NLRP5: variants seen among roughly 807,000 people sequenced by gnomAD.
NLRP5 encodes NACHT, LRR and PYD domains-containing protein 5.
NLRP5 carries 93 observed loss-of-function variants against 113.1 expected under a neutral mutation model. That is an observed-to-expected ratio of 0.82 (90% CI 0.70 to 0.98). NLRP5 has a LOEUF of 0.98. NLRP5 is among the 50% of genes least tolerant of loss of function. The pLI, the probability that NLRP5 is intolerant of heterozygous loss-of-function variation, is 0.00. For missense variants in NLRP5, 1,808 were observed against 1,514.3 expected (o/e 1.19, Z -3.22); for synonymous variants, 751 against 600.7 (o/e 1.25, Z -3.66).
intron 3 of NLRP5, 137 bp from the exon 4 acceptor site, chr19:56,015,605 A>G (rs1409074780): frequency 1.8e-6 from 1 of 553,064 alleles, no homozygotes; most frequent in Admixed American, 3.5e-5. Context: ...CCTGGCGCTG[A>G]GCCAGTGGTT....
chr19:56,053,880 A>G, intron 13 of NLRP5, 72 bp downstream of exon 13: 1 of 1,400,480 alleles, frequency 7.1e-7, no homozygotes, highest in East Asian at 2.3e-5. Context: ...AGGTTGCTTG[A>G]ACAGGGATGA....
the NLRP5 span, among the ~76,000 whole-genome samples, chr19:55,987,607 G>A: frequency 1.3e-5 from 2 of 152,174 alleles, no homozygotes; most frequent in Admixed American, 1.3e-4. Flanking sequence ...GGGGTAGAAA[G>A]CAGCAAATCA....
intron 3 of NLRP5, among the ~76,000 whole-genome samples, chr19:56,009,309 C>A (rs1982085899): frequency 7.9e-6 from 1 of 126,660 alleles, no homozygotes; most frequent in Non-Finnish European, 1.6e-5. Flanking sequence ...CACTGCACTC[C>A]AGCCTGGGCG....
rs1981743218 is a variant in NLRP5 at position 56,003,737 on chromosome 19, T to C, written c.84T>C (p.Gly28=). 6.2e-7 allele frequency: 1 copy of C among 1,610,160 alleles called. No individual in the cohort carries two copies. Among genetic ancestry groups the C allele is most frequent in the African/African-American group, 1.3e-5 (1 of 74,812 alleles). ...TAAGTCTTGTCACTCTTTCCACAGGTCCTACTTGCTCTATATTACCAAAGA... is the reference window on the plus strand; with the variant it reads ...TAAGTCTTGTCACTCTTTCCACAGGCCCTACTTGCTCTATATTACCAAAGA... The change falls in exon 2 of 15, where the codon GGT becomes GGC. Residue 28 remains glycine (G), a synonymous_variant. Coordinates refer to ENST00000390649, the MANE Select transcript of NLRP5 (RefSeq NM_153447.4).
upstream of NLRP5, among the ~76,000 whole-genome samples, chr19:55,998,714 G>GTATATATATATATATATGTGTA (rs1555762453): frequency 1.6e-4 from 12 of 75,994 alleles, 1 homozygote; most frequent in African/African-American, 5.2e-4. Flanking sequence ...GTGTGTGTGT[G>GTATATATATATATATATGTGTA]TATATATATA....
intron 4 of NLRP5, among the ~76,000 whole-genome samples, chr19:56,018,045 C>A (rs1458103527): frequency 2.6e-5 from 4 of 152,178 alleles, no homozygotes; most frequent in African/African-American, 7.2e-5. Flanking sequence ...CACAGTTCTT[C>A]CCATCTTCTG....
intron 6 of NLRP5, among the ~76,000 whole-genome samples, chr19:56,021,867 A>C (rs1266245324): frequency 6.6e-6 from 1 of 152,030 alleles, no homozygotes; most frequent in Non-Finnish European, 1.5e-5. Context: ...TGATTGGCAG[A>C]GTTCTGAAAA....
At chr19:55,999,215 T>G (rs1981513742), upstream of NLRP5, among the ~76,000 whole-genome samples, 1 of 144,914 alleles carries the variant, frequency 6.9e-6, no homozygotes, top group Non-Finnish European at 1.5e-5. Flanking sequence ...TCTTTTTCTT[T>G]TTTTTTTTTT....
At chr19:56,056,741 T>C (rs919437045) in intron 13 of NLRP5, among the ~76,000 whole-genome samples, 4 of 152,172 alleles carry the variant, frequency 2.6e-5, no homozygotes. Flanking sequence ...TGCTTAGATA[T>C]TATTTTAGAA....
At chr19:56,007,447 C>G (rs1482335407) in intron 2 of NLRP5, among the ~76,000 whole-genome samples, 1 of 150,114 alleles carries the variant, frequency 6.7e-6, no homozygotes, top group Non-Finnish European at 1.5e-5. Flanking sequence ...AAGCTTTAGG[C>G]TGAGATAAAC....
chr19:56,027,257 G>A lies in NLRP5; in HGVS notation c.1024G>A (p.Asp342Asn). ...AGAGTTCATCTCCAGGGAGTGGCCAGACTCCCAGGCTCCGGTGACGGAGAT... is the reference window on the plus strand; with the variant it reads ...AGAGTTCATCTCCAGGGAGTGGCCAAACTCCCAGGCTCCGGTGACGGAGAT... Residue 342 changes from aspartate to asparagine, a missense_variant, in exon 7 of 15, where the codon GAC (aspartate) becomes AAC (asparagine). Asp to Asn is a conservative substitution (Grantham distance 23). Coordinates refer to ENST00000390649, the MANE Select transcript of NLRP5 (RefSeq NM_153447.4). The A allele has an allele frequency of 6.2e-7, 1 of 1,612,530 alleles. No homozygotes were observed. Among genetic ancestry groups the A allele is most frequent in the East Asian group, 2.2e-5 (1 of 44,874 alleles).
At chr19:56,021,753 C>A (rs1982625654) in intron 6 of NLRP5, among the ~76,000 whole-genome samples, 1 of 152,134 alleles carries the variant, frequency 6.6e-6, no homozygotes, top group African/African-American at 2.4e-5. Context: ...CACTTTGGGG[C>A]TGTTAACAGT....
rs1982874476 is a variant in NLRP5 at position 56,026,899 on chromosome 19, C to T, written c.680-14C>T. The T allele has an allele frequency of 1.3e-6, 2 of 1,546,128 alleles. No individual in the cohort carries two copies. Among genetic ancestry groups the T allele is most frequent in the Non-Finnish European group, 1.7e-6 (2 of 1,143,194 alleles). On this transcript the variant is annotated splice_polypyrimidine_tract_variant and intron_variant, in intron 6 of 14. Transcript: ENST00000390649. ...TCTGTTTCCTGATTTTCATTCTACC[C>T]TCTCTGACTCCAGGACATGGAGGTG...
the NLRP5 span, among the ~76,000 whole-genome samples, chr19:55,993,142 C>T: frequency 3.9e-4 from 59 of 152,014 alleles, no homozygotes; most frequent in African/African-American, 1.4e-3. Context: ...AGCCACTGCG[C>T]CCGGCCCGAG....
intron 1 of NLRP5, among the ~76,000 whole-genome samples, chr19:56,002,773 T>G (rs1212319118): frequency 6.6e-6 from 1 of 151,520 alleles, no homozygotes; most frequent in Admixed American, 6.6e-5. Context: ...GTTTCATCCA[T>G]GTCCCTACAA....
At chr19:56,050,666 G>A (rs1205292492) in intron 12 of NLRP5, 78 bp downstream of exon 12, 5 of 1,426,828 alleles carry the variant, frequency 3.5e-6, no homozygotes, top group Non-Finnish European at 4.7e-6. Context: ...GATAGGAGCA[G>A]GGAGACCGGA....
chr19:56,033,763 G>C, intron 9 of NLRP5, 54 bp downstream of exon 9: 1 of 1,478,962 alleles, frequency 6.8e-7, no homozygotes, highest in Non-Finnish European at 9.2e-7. Context: ...ACTTGTGTTT[G>C]AAATGATTAC....
rs762554925 is a variant in NLRP5 at position 56,027,569 on chromosome 19, A to T, written c.1336A>T (p.Ile446Phe). The T allele has an allele frequency of 1.9e-6, 3 of 1,613,954 alleles. No individual in the cohort carries two copies. The highest frequency in any genetic ancestry group is 2.5e-6 in the Non-Finnish European group (3 of 1,179,878). ...AATCCACTTGCTCCTTGAGCGCGGG[A>T]TTGGTGAGCATCAGAAGACACAAGG... Residue 446 changes from isoleucine (I) to phenylalanine (F), a missense_variant, in exon 7 of 15, where the codon ATT becomes TTT. Coordinates refer to ENST00000390649, the MANE Select transcript of NLRP5 (RefSeq NM_153447.4).
At chr19:55,998,986 G>A (rs1599873424), upstream of NLRP5, among the ~76,000 whole-genome samples, 1 of 151,166 alleles carries the variant, frequency 6.6e-6, no homozygotes, top group East Asian at 1.9e-4. Flanking sequence ...AAATTCCATG[G>A]CAGGTTAAAT....
Sources: gnomAD v4.1 joint callset for allele counts (sites outside exome capture counted in the v4.1 genomes callset) on GRCh38, gnomAD v4.1.1 for gene constraint, MANE v1.5 for transcripts, NCBI Gene and HGNC (gene_info 2026-07-23, HGNC 2026-07-21) for gene names.